The following CNTNAP2 variants were observed in gnomAD, a reference collection of about 807,000 sequenced individuals.
The protein encoded by CNTNAP2 is contactin associated protein 2.
In CNTNAP2, 98 loss-of-function variants were observed where a neutral mutation model predicts 155.2. The observed-to-expected ratio is 0.63, with a 90% CI of 0.54 to 0.75. CNTNAP2 has a LOEUF of 0.75. CNTNAP2 is among the 30% of genes least tolerant of loss of function. The pLI is 0.00. For synonymous variants in CNTNAP2, 651 were observed against 631.2 expected, an observed-to-expected ratio of 1.03 and a Z score of -0.47; for missense variants, 1,727 against 1,688.1, an observed-to-expected ratio of 1.02 and a Z score of -0.40.
intron 13 of CNTNAP2, among the ~76,000 whole-genome samples, chr7:147,774,909 A>G (rs1797534268): frequency 6.6e-6 from 1 of 152,122 alleles, no homozygotes; most frequent in South Asian, 2.1e-4. Context: ...GTGGCTTTCT[A>G]AAGGTCACAA....
intron 2 of CNTNAP2, among the ~76,000 whole-genome samples, chr7:146,805,702 C>A (rs954216834): frequency 2.0e-5 from 3 of 152,084 alleles, no homozygotes; most frequent in Non-Finnish European, 4.4e-5. Flanking sequence ...GGCAGCCACA[C>A]CGTAACTAGT....
At chr7:146,517,838 T>C (rs1001937646) in intron 1 of CNTNAP2, among the ~76,000 whole-genome samples, 1 of 151,846 alleles carries the variant, frequency 6.6e-6, no homozygotes, top group African/African-American at 2.4e-5. Context: ...TTTGGAGACA[T>C]ACAAAATGAT....
intron 12 of CNTNAP2, among the ~76,000 whole-genome samples, chr7:147,609,846 G>C (rs997037252): frequency 2.6e-5 from 4 of 151,994 alleles, no homozygotes; most frequent in African/African-American, 4.8e-5. Flanking sequence ...TTCTTCCCAG[G>C]GAAGAAGGTA....
At chr7:147,333,993 G>C (rs967903862) in intron 9 of CNTNAP2, among the ~76,000 whole-genome samples, 8 of 152,110 alleles carry the variant, frequency 5.3e-5, no homozygotes, top group African/African-American at 1.7e-4. Flanking sequence ...ATTGTTTTCT[G>C]TATGCCAAAG....
intron 3 of CNTNAP2, among the ~76,000 whole-genome samples, chr7:146,902,474 AAG>A (rs1443010780): frequency 6.6e-6 from 1 of 152,208 alleles, no homozygotes; most frequent in Non-Finnish European, 1.5e-5. Context: ...ATAATAAGAA[AAG>A]AGTTATGGCA....
intron 11 of CNTNAP2, among the ~76,000 whole-genome samples, chr7:147,556,020 C>T (rs752490802): frequency 2.6e-5 from 4 of 152,200 alleles, no homozygotes; most frequent in African/African-American, 4.8e-5. Flanking sequence ...TATAGGCCTG[C>T]GGCCACGTCT....
intron 21 of CNTNAP2, among the ~76,000 whole-genome samples, chr7:148,295,163 C>G (rs1017548689): frequency 2.0e-5 from 3 of 152,148 alleles, no homozygotes; most frequent in Middle Eastern, 3.4e-3. Flanking sequence ...ACATTTTAAA[C>G]AAGTTATAAA....
intron 15 of CNTNAP2, among the ~76,000 whole-genome samples, chr7:148,033,972 C>T (rs1471859135): frequency 6.6e-6 from 1 of 152,108 alleles, no homozygotes; most frequent in Non-Finnish European, 1.5e-5. Context: ...AGAAAGCATT[C>T]ACCGTGACAG....
intron 3 of CNTNAP2, among the ~76,000 whole-genome samples, chr7:146,868,146 G>A (rs761803380): frequency 5.3e-5 from 8 of 152,088 alleles, no homozygotes; most frequent in Non-Finnish European, 1.2e-4. Flanking sequence ...GGTGTTTATA[G>A]TTTTGGATTT....
At chr7:146,122,516 T>C (rs192186847) in intron 1 of CNTNAP2, among the ~76,000 whole-genome samples, 31 of 152,300 alleles carry the variant, frequency 2.0e-4, no homozygotes. Flanking sequence ...TTGCCAAAAA[T>C]AAGATTGATA....
At chr7:146,541,211 C>T (rs1797948117) in intron 1 of CNTNAP2, among the ~76,000 whole-genome samples, 2 of 151,876 alleles carry the variant, frequency 1.3e-5, no homozygotes, top group African/African-American at 4.8e-5. Flanking sequence ...CAGTAATTGC[C>T]ATGTCAAGGG....
intron 9 of CNTNAP2, among the ~76,000 whole-genome samples, chr7:147,353,896 G>C (rs1796012611): frequency 6.6e-6 from 1 of 152,198 alleles, no homozygotes; most frequent in South Asian, 2.1e-4. Context: ...GATGACCAGT[G>C]ATGATGAGCT....
At chr7:148,410,740 A>C (rs1799817032) in intron 23 of CNTNAP2, among the ~76,000 whole-genome samples, 1 of 152,164 alleles carries the variant, frequency 6.6e-6, no homozygotes, top group South Asian at 2.1e-4. Flanking sequence ...AGATTTACAC[A>C]CATGGAGGTA....
At chr7:146,854,741 T>C (rs1794944447) in intron 3 of CNTNAP2, among the ~76,000 whole-genome samples, 1 of 152,158 alleles carries the variant, frequency 6.6e-6, no homozygotes, top group Non-Finnish European at 1.5e-5. Flanking sequence ...TTGGATGTCA[T>C]TGCCTCTGGT....
At chr7:148,074,685 CAAA>C (rs111493967) in intron 15 of CNTNAP2, among the ~76,000 whole-genome samples, 1 of 135,546 alleles carries the variant, frequency 7.4e-6, no homozygotes, top group Admixed American at 7.4e-5. Flanking sequence ...AAGACTGTCT[CAAA>C]AAAAAAAAAA....
chr7:146,516,257 TTGAGCCAA>T (rs1181692996), intron 1 of CNTNAP2, among the ~76,000 whole-genome samples: 1 of 152,002 alleles, frequency 6.6e-6, no homozygotes, highest in Non-Finnish European at 1.5e-5. Flanking sequence ...TGGTGCCAGA[TTGAGCCAA>T]CCATTGTGTA....
chr7:148,203,470 C>G (rs1203096792), intron 18 of CNTNAP2, among the ~76,000 whole-genome samples: 1 of 152,086 alleles, frequency 6.6e-6, no homozygotes, highest in East Asian at 1.9e-4. Context: ...GTGGGCCAGG[C>G]AAGGTGGCTC....
intron 4 of CNTNAP2, among the ~76,000 whole-genome samples, chr7:147,050,677 C>T (rs1315235149): frequency 1.3e-5 from 2 of 152,182 alleles, no homozygotes; most frequent in African/African-American, 4.8e-5. Flanking sequence ...TCATTCTTCC[C>T]AGGCAAGAGA....
At chr7:148,064,553 T>A (rs1311532533) in intron 15 of CNTNAP2, among the ~76,000 whole-genome samples, 1 of 151,622 alleles carries the variant, frequency 6.6e-6, no homozygotes, top group Non-Finnish European at 1.5e-5. Context: ...CTAAATCTGA[T>A]AAATGAATTC....
Sources: allele counts gnomAD v4.1 joint callset (sites outside exome capture counted in the v4.1 genomes callset), GRCh38; gene constraint gnomAD v4.1.1; transcripts MANE v1.5; gene names NCBI Gene and HGNC (gene_info 2026-07-23, HGNC 2026-07-21).